ITGA8: variants seen among roughly 807,000 people sequenced by gnomAD.
The protein encoded by ITGA8 is integrin alpha-8.
In ITGA8, 91 loss-of-function variants were observed where a neutral mutation model predicts 142.3. The observed-to-expected ratio is 0.64, with a 90% CI of 0.54 to 0.76. ITGA8 has a LOEUF of 0.76. ITGA8 is among the 30% of genes least tolerant of loss of function. The pLI is 0.00. For synonymous variants in ITGA8, 505 were observed against 485.2 expected (o/e 1.04, Z -0.54); for missense variants, 1,406 against 1,327.7 (o/e 1.06, Z -0.92).
At chr10:15,535,012 G>C (rs1025871962) in intron 27 of ITGA8, among the ~76,000 whole-genome samples, 4 of 152,194 alleles carry the variant, frequency 2.6e-5, no homozygotes, top group African/African-American at 9.7e-5. Flanking sequence ...CCTGGGCTGC[G>C]TGCGGTGCTT....
Position 15,517,029 on chromosome 10 carries a change from T to G in ITGA8, c.*129A>C. 3 of 501,414 alleles carry G rather than the reference T, an allele frequency of 6.0e-6. No individual in the cohort carries two copies. The highest frequency in any genetic ancestry group is 6.6e-6 in the Non-Finnish European group (2 of 301,540). The allele number at this position is 501,414 out of a possible 1,614,324, so 31.1% of individuals were successfully genotyped here. A position where few individuals can be genotyped will look rare whatever the true frequency, so the allele number is the denominator to read the frequency against. ...AGTGCGGTGTAGATGAGGTGATGTT[T>G]CCAGGGTCCCCTCCATTTCCTGGGT... On this transcript the variant is annotated 3_prime_UTR_variant, in exon 30 of 30. Transcript: ENST00000378076.
At chr10:15,622,317 C>A (rs766133272) in intron 13 of ITGA8, among the ~76,000 whole-genome samples, 2 of 152,032 alleles carry the variant, frequency 1.3e-5, no homozygotes, top group African/African-American at 2.4e-5. Flanking sequence ...GACAGATACA[C>A]TGATGTTTAT....
chr10:15,573,608 C>T (rs539717740), intron 24 of ITGA8, among the ~76,000 whole-genome samples: 1 of 152,174 alleles, frequency 6.6e-6, no homozygotes, highest in East Asian at 1.9e-4. Context: ...GGCATCTTCC[C>T]TACGTTTGTA....
At position 15,711,754 on chromosome 10, in the gene ITGA8, A is replaced by G. The variant is rs1010575678; in HGVS notation, c.343+7012T>C. 3.3e-5 allele frequency among the ~76,000 whole-genome samples: 5 copies of G among 152,174 alleles called. No individual in the cohort carries two copies. The South Asian group carries it at 6.2e-4, about 19-fold the overall frequency. On this transcript the variant is annotated intron_variant, in intron 2 of 29. Transcript: ENST00000378076. ...CTATAAAGACTTATTTTTGTAATCT[A>G]TACCTTAATTTTACCCCCCAAAAAA...
chr10:15,517,073 A>T lies in ITGA8; in HGVS notation c.*85T>A, dbSNP rs936037446. The T allele has an allele frequency of 7.7e-5, 73 of 943,326 alleles. 2 individuals are homozygous for T. Among genetic ancestry groups the T allele is most frequent in the South Asian group, 6.4e-4 (40 of 62,890 alleles). The allele number at this position is 943,326 out of a possible 1,614,324, so 58.4% of individuals were successfully genotyped here. ...CCTGGGTCACTGTCAGGTATCAGAAAGCTTTGATTTTTAACCCTCATGTTC... is the reference window on the plus strand; with the variant it reads ...CCTGGGTCACTGTCAGGTATCAGAATGCTTTGATTTTTAACCCTCATGTTC... On this transcript the variant is annotated 3_prime_UTR_variant, in exon 30 of 30. Transcript: ENST00000378076.
At chr10:15,533,725 T>G (rs538138351) in intron 27 of ITGA8, among the ~76,000 whole-genome samples, 2 of 152,354 alleles carry the variant, frequency 1.3e-5, no homozygotes, top group African/African-American at 4.8e-5. Flanking sequence ...AACGCTTTTC[T>G]CTTACAGATT....
At chr10:15,640,350 G>T (rs188334512) in intron 13 of ITGA8, among the ~76,000 whole-genome samples, 1 of 152,220 alleles carries the variant, frequency 6.6e-6, no homozygotes, top group East Asian at 1.9e-4. Flanking sequence ...TGCCACCCAG[G>T]GTCATTTTGG....
At chr10:15,608,389 A>C (rs1833236060) in intron 15 of ITGA8, 99 bp from the exon 16 acceptor site, 2 of 670,412 alleles carry the variant, frequency 3.0e-6, no homozygotes, top group Non-Finnish European at 5.0e-6. Context: ...CATTTTCTCT[A>C]TATATTTCTA....
Position 15,646,906 on chromosome 10 carries a change from A to G in ITGA8, c.1147T>C (p.Phe383Leu), listed in dbSNP as rs756625613. ...GCCATAGCACTACCGAATCTCCCAA[A>G]CGTCTCGGTGCCAGTGAGGATCTGG... ...DPQILTGTET[F>L]GRFGSAMAHL... Residue 383 changes from phenylalanine to leucine, a missense_variant, in exon 12 of 30, where the codon TTT becomes CTT. Phe to Leu is a conservative substitution (Grantham distance 22). Transcript: ENST00000378076. 15 of 1,613,728 alleles carry G rather than the reference A, an allele frequency of 9.3e-6. No homozygotes were observed. Among genetic ancestry groups the G allele is most frequent in the Non-Finnish European group, 1.3e-5 (15 of 1,179,936 alleles).
intron 22 of ITGA8, among the ~76,000 whole-genome samples, chr10:15,587,066 G>T (rs573785984): frequency 6.2e-4 from 94 of 152,184 alleles, no homozygotes; most frequent in African/African-American, 2.2e-3. Context: ...GAGACTACAG[G>T]CGTGTGCCAC....
At chr10:15,622,608 A>C (rs2353418) in intron 13 of ITGA8, among the ~76,000 whole-genome samples, 1,681 of 151,392 alleles carry the variant, frequency 0.011, 33 homozygotes, top group African/African-American at 0.032. Flanking sequence ...AAAACAAAAA[A>C]AAAACCACAT....
In ITGA8 at chr10:15,604,652, G is replaced by A. The variant is rs9333272; in HGVS notation, c.1971-297C>T. Among the ~76,000 whole-genome samples the A allele has an allele frequency of 0.048, 7,278 of 150,816 alleles. 252 individuals are homozygous for A. The highest frequency in any genetic ancestry group is 0.071 in the Non-Finnish European group (4,841 of 67,868). ...CCAGTGGTGTAAATCCATGAACCGTGGTCATTTTCAAGCTACCAACATATT... is the reference window on the plus strand; with the variant it reads ...CCAGTGGTGTAAATCCATGAACCGTAGTCATTTTCAAGCTACCAACATATT... On this transcript the variant is annotated intron_variant, in intron 19 of 29. Transcript: ENST00000378076.
chr10:15,654,658 A>G (rs550761063), intron 11 of ITGA8, among the ~76,000 whole-genome samples: 2 of 152,342 alleles, frequency 1.3e-5, no homozygotes, highest in African/African-American at 4.8e-5. Context: ...CTGAGAGACC[A>G]CATCTGTCTT....
chr10:15,564,744 C>T (rs1419770478), intron 25 of ITGA8, among the ~76,000 whole-genome samples: 3 of 152,184 alleles, frequency 2.0e-5, no homozygotes, highest in Non-Finnish European at 2.9e-5. Context: ...GCCCTGTGAA[C>T]CCAAACAAAA....
At chr10:15,535,364 G>C (rs7080928) in intron 27 of ITGA8, among the ~76,000 whole-genome samples, 30,097 of 152,176 alleles carry the variant, frequency 0.2, 3,998 homozygotes, top group African/African-American at 0.38. Context: ...CTGCGGCGCC[G>C]GTGCGGGATC....
chr10:15,648,778 T>C (rs1010893058), intron 11 of ITGA8, among the ~76,000 whole-genome samples: 3 of 152,194 alleles, frequency 2.0e-5, no homozygotes, highest in Admixed American at 6.6e-5. Context: ...TGTTTATCTA[T>C]TGTCTTCAGT....
At chr10:15,716,513 C>G (rs918574850) in intron 2 of ITGA8, among the ~76,000 whole-genome samples, 2 of 152,134 alleles carry the variant, frequency 1.3e-5, no homozygotes, top group African/African-American at 4.8e-5. Flanking sequence ...TACTGTTTTA[C>G]TGCAAATATA....
intron 13 of ITGA8, among the ~76,000 whole-genome samples, chr10:15,617,370 G>T (rs1223692719): frequency 1.3e-5 from 2 of 151,436 alleles, no homozygotes; most frequent in East Asian, 3.9e-4. Flanking sequence ...TTATTTAGGT[G>T]ATTGGCTAAC....
At chr10:15,649,705 A>G (rs115541400) in intron 11 of ITGA8, among the ~76,000 whole-genome samples, 1,964 of 152,272 alleles carry the variant, frequency 0.013, 28 homozygotes, top group African/African-American at 0.045. Flanking sequence ...AAGACACTCA[A>G]TATAATATGT....
Sources: gnomAD v4.1 joint callset for allele counts (sites outside exome capture counted in the v4.1 genomes callset) on GRCh38, gnomAD v4.1.1 for gene constraint, MANE v1.5 for transcripts, NCBI Gene and HGNC (gene_info 2026-07-23, HGNC 2026-07-21) for gene names.